Variants in OR13G1 observed in about 807,000 individuals in gnomAD.
OR13G1 encodes olfactory receptor 13G1.
For missense variants in OR13G1, 369 were observed against 385.7 expected (o/e 0.96, Z 0.36); for synonymous variants, 128 against 136.2 (o/e 0.94, Z 0.42).
At chr1:247,675,806 T>C (rs968738737) in intron 1 of OR13G1, among the ~76,000 whole-genome samples, 1 of 152,170 alleles carries the variant, frequency 6.6e-6, no homozygotes, top group Non-Finnish European at 1.5e-5. Flanking sequence ...TGCATGCTAC[T>C]GTAGGCTCCA....
intron 1 of OR13G1, among the ~76,000 whole-genome samples, chr1:247,679,036 A>C (rs201190842): frequency 2.2e-5 from 3 of 134,548 alleles, no homozygotes; most frequent in Non-Finnish European, 4.8e-5. Context: ...TTTTTTTTTT[A>C]AATTCAACTC....
chr1:247,674,001 T>C lies in OR13G1; in HGVS notation c.-238-722A>G, dbSNP rs79012594. On this transcript the variant is annotated intron_variant, in intron 1 of 1. Coordinates refer to ENST00000642119, the MANE Select transcript of OR13G1 (RefSeq NM_001005487.2). ...GAAAAATCTGTGTCCTATGTTATTT[T>C]CCCCCAAAACTTCCATAGCATTCTG... 6.8e-3 allele frequency among the ~76,000 whole-genome samples: 1,038 copies of C among 152,250 alleles called. 7 individuals carry two copies. The highest frequency in any genetic ancestry group is 0.024 in the African/African-American group (998 of 41,550).
chr1:247,672,738 T>A lies in OR13G1; in HGVS notation c.304A>T (p.Thr102Ser). The A allele has an allele frequency of 1.2e-6, 2 of 1,614,054 alleles. No homozygotes were observed. The highest frequency in any genetic ancestry group is 1.3e-5 in the African/African-American group (1 of 75,054). ...AGCMSQLFLF[T>S]WSLGAEMVLF... ...ACCATCTCAGCTCCCAGAGACCATG[T>A]GAACAAGAAGAGCTGGGACATGCAG... Residue 102 changes from threonine to serine, a missense_variant, in exon 2 of 2, where the codon ACA becomes TCA. By Grantham distance (58) the Thr-to-Ser change is moderately conservative (BLOSUM62 1). Transcript: ENST00000642119.
rs180921014 is a variant in OR13G1 at position 247,674,256 on chromosome 1, A to G, written c.-238-977T>C. Among the ~76,000 whole-genome samples, 26 of 152,316 alleles carry G rather than the reference A, an allele frequency of 1.7e-4. No homozygotes were observed. The East Asian group carries it at 3.7e-3, about 22-fold the overall frequency. ...ACACGAATTCATGGCTTTTGGAACT[A>G]TTATGATTAGATGAATCTAGTGAAA... is the stretch of plus-strand genomic sequence containing the variant. On this transcript the variant is annotated intron_variant, in intron 1 of 1. Coordinates refer to ENST00000642119, the MANE Select transcript of OR13G1 (RefSeq NM_001005487.2).
rs1475358669 is a variant in OR13G1 at position 247,672,486 on chromosome 1, A to C, written c.556T>G (p.Cys186Gly). Residue 186 changes from cysteine (C) to glycine (G), a missense_variant, in exon 2 of 2, where the codon TGT becomes GGT. Cys to Gly is a radical substitution (Grantham distance 159). Transcript: ENST00000642119. ...CEIPPLLALS[C>G]SPVRINEVMV... ...ACCTCATTGATTCTTACAGGGCTAC[A>C]GGACAAAGCCAGCAATGGGGGTATC... is the stretch of plus-strand genomic sequence containing the variant. 6.2e-7 allele frequency: 1 copy of C among 1,614,162 alleles called. No homozygotes were observed.
At position 247,671,836 on chromosome 1, in the gene OR13G1, G is replaced by A. The variant is rs1659209617; in HGVS notation, c.*282C>T. ...CATGCACATATAGGTAAATATTTGT[G>A]TATATGCATATATAAGTATTCGAAG... is the stretch of plus-strand genomic sequence containing the variant. On this transcript the variant is annotated 3_prime_UTR_variant, in exon 2 of 2. Transcript: ENST00000642119. The A allele has an allele frequency of 2.6e-6, 1 of 381,930 alleles. No homozygotes were observed. The highest frequency in any genetic ancestry group is 4.7e-6 in the Non-Finnish European group (1 of 213,166). 23.7% of individuals were successfully genotyped at this position (381,930 alleles called of 1,614,324 possible).
rs973130561 is a variant in OR13G1 at position 247,672,180 on chromosome 1, T to C, written c.862A>G (p.Ser288Gly). ...GCCTGCATCTCCCTATTCTGGAAGC[T>C]GTACACCATCGGGTTTAATGTGGGA... ...VTPTLNPMVY[S>G]FQNREMQAGI... Residue 288 changes from serine (S) to glycine (G), a missense_variant, in exon 2 of 2, where the codon AGC (serine) becomes GGC (glycine). By Grantham distance (56) the Ser-to-Gly change is moderately conservative. Coordinates refer to ENST00000642119, the MANE Select transcript of OR13G1 (RefSeq NM_001005487.2). 18 of 1,613,998 alleles carry C rather than the reference T, an allele frequency of 1.1e-5. No individual in the cohort carries two copies. The highest frequency in any genetic ancestry group is 1.5e-5 in the Non-Finnish European group (18 of 1,179,990).
chr1:247,672,930 C>A lies in OR13G1; in HGVS notation c.112G>T (p.Gly38Cys). Reference protein sequence around the residue: ...FLIVYLVAFLGNMLIIIAKIY... With the variant: ...FLIVYLVAFLCNMLIIIAKIY... ...TTGGCAATGATGATGAGCATGTTGC[C>A]GAGAAAAGCCACAAGATAGACAATG... Residue 38 changes from glycine (G) to cysteine (C), a missense_variant, in exon 2 of 2, where the codon GGC becomes TGC. Gly to Cys is a radical substitution (Grantham distance 159). Transcript: ENST00000642119. The A allele has an allele frequency of 6.2e-7, 1 of 1,613,846 alleles. No homozygotes were observed. The highest frequency in any genetic ancestry group is 8.5e-7 in the Non-Finnish European group (1 of 1,179,916).
intron 1 of OR13G1, among the ~76,000 whole-genome samples, chr1:247,675,805 CT>C (rs1659334634): frequency 6.6e-6 from 1 of 152,136 alleles, no homozygotes; most frequent in African/African-American, 2.4e-5. Context: ...TTGCATGCTA[CT>C]GTAGGCTCCA....
chr1:247,673,700 C>G (rs1220802590), intron 1 of OR13G1, among the ~76,000 whole-genome samples: 1 of 152,140 alleles, frequency 6.6e-6, no homozygotes, highest in African/African-American at 2.4e-5. Flanking sequence ...GTTTGAGAAG[C>G]ACATTGCCAA....
Position 247,673,129 on chromosome 1 carries a change from G to C in OR13G1, c.-88C>G, listed in dbSNP as rs138179131. The C allele has an allele frequency of 9.9e-7, 1 of 1,014,278 alleles. No homozygotes were observed. Among genetic ancestry groups the C allele is most frequent in the East Asian group, 2.4e-5 (1 of 41,584 alleles). 62.8% of individuals were successfully genotyped at this position (1,014,278 alleles called of 1,614,324 possible). A position where few individuals can be genotyped will look rare whatever the true frequency, so the allele number is the denominator to read the frequency against. ...CCTGTGTTGTTAGGAGATAACATGAGGAGTGTGTGTACTTAGGGACTTAAT... is the reference window on the plus strand; with the variant it reads ...CCTGTGTTGTTAGGAGATAACATGACGAGTGTGTGTACTTAGGGACTTAAT... On this transcript the variant is annotated 5_prime_UTR_variant, in exon 2 of 2. Coordinates refer to ENST00000642119, the MANE Select transcript of OR13G1 (RefSeq NM_001005487.2).
intron 1 of OR13G1, among the ~76,000 whole-genome samples, chr1:247,676,654 T>A (rs555871335): frequency 6.6e-6 from 1 of 152,290 alleles, no homozygotes; most frequent in South Asian, 2.1e-4. Context: ...TCATTGGAGT[T>A]ATAAAACAAT....
chr1:247,671,803 G>C lies in OR13G1; in HGVS notation c.*315C>G. 3.7e-6 allele frequency: 1 copy of C among 268,106 alleles called. No individual in the cohort carries two copies. The highest frequency in any genetic ancestry group is 4.8e-5 in the Admixed American group (1 of 20,974). 16.6% of individuals were successfully genotyped at this position (268,106 alleles called of 1,614,324 possible). A position where few individuals can be genotyped will look rare whatever the true frequency, so the allele number is the denominator to read the frequency against. ...AATGTTTTGTGATATTTGCATGTATGATGTGCACATGCACATATAGGTAAA... is the reference window on the plus strand; with the variant it reads ...AATGTTTTGTGATATTTGCATGTATCATGTGCACATGCACATATAGGTAAA... On this transcript the variant is annotated 3_prime_UTR_variant, in exon 2 of 2. Transcript: ENST00000642119.
In OR13G1 at chr1:247,671,853, T is replaced by C. The variant is rs1483897804; in HGVS notation, c.*265A>G. 4 of 439,250 alleles carry C rather than the reference T, an allele frequency of 9.1e-6. No individual in the cohort carries two copies. Among genetic ancestry groups the C allele is most frequent in the Non-Finnish European group, 1.6e-5 (4 of 247,822 alleles). 27.2% of individuals were successfully genotyped at this position (439,250 alleles called of 1,614,324 possible). A position where few individuals can be genotyped will look rare whatever the true frequency, so the allele number is the denominator to read the frequency against. On this transcript the variant is annotated 3_prime_UTR_variant, in exon 2 of 2. Transcript: ENST00000642119. The stretch of plus-strand genomic sequence containing the variant: ...ATATTTGTGTATATGCATATATAAG[T>C]ATTCGAAGTTATGTACATATTTTTG...
Position 247,672,116 on chromosome 1 carries a change from T to C in OR13G1, c.*2A>G, listed in dbSNP as rs1211279480. 6.2e-7 allele frequency: 1 copy of C among 1,607,256 alleles called. No homozygotes were observed. The highest frequency in any genetic ancestry group is 8.5e-7 in the Non-Finnish European group (1 of 1,175,258). ...CAGAAGTGATGTTGCATGTTGAAAC[T>C]ACTAGTGTTTCAGAAATGCAAACAC... On this transcript the variant is annotated 3_prime_UTR_variant, in exon 2 of 2. Transcript: ENST00000642119.
chr1:247,676,935 T>C (rs1659356718), intron 1 of OR13G1, among the ~76,000 whole-genome samples: 1 of 152,004 alleles, frequency 6.6e-6, no homozygotes, highest in South Asian at 2.1e-4. Flanking sequence ...GGAGTGCGAT[T>C]GGAAAGGGAA....
At chr1:247,677,853 C>T (rs1659380288) in intron 1 of OR13G1, among the ~76,000 whole-genome samples, 1 of 152,072 alleles carries the variant, frequency 6.6e-6, no homozygotes, top group African/African-American at 2.4e-5. Flanking sequence ...GCCTGTAATC[C>T]CAGCACTTTG....
In OR13G1 at chr1:247,672,571, T is replaced by G. The variant is rs750768683; in HGVS notation, c.471A>C (p.Thr157=). The G allele has an allele frequency of 6.2e-7, 1 of 1,614,096 alleles. No homozygotes were observed. Among genetic ancestry groups the G allele is most frequent in the Admixed American group, 1.7e-5 (1 of 59,978 alleles). ...AGAAAGTCAACCTCATGATAAGAGC[T>G]GTGTGCACCCAGGAATTGGTGACTG... ...AIAVTNSWVH[T]ALIMRLTFCG... The change falls in exon 2 of 2, where the codon ACA becomes ACC. Residue 157 remains threonine, a synonymous_variant. Coordinates refer to ENST00000642119, the MANE Select transcript of OR13G1 (RefSeq NM_001005487.2).
At position 247,672,306 on chromosome 1, in the gene OR13G1, T is replaced by A. The variant is rs1459849641; in HGVS notation, c.736A>T (p.Thr246Ser). ...TAGATTACAGGAGAATAGTAAAGGGTCACCACTGTGAGATGAGATGAGCAT... is the reference window on the plus strand; with the variant it reads ...TAGATTACAGGAGAATAGTAAAGGGACACCACTGTGAGATGAGATGAGCAT... ...STCSSHLTVVTLYYSPVIYTY... is the reference protein window; with the variant it reads ...STCSSHLTVVSLYYSPVIYTY... The change falls in exon 2 of 2, where the codon ACC becomes TCC. Residue 246 changes from threonine to serine, a missense_variant. Transcript: ENST00000642119. 1 of 1,613,942 alleles carries A rather than the reference T, an allele frequency of 6.2e-7. No individual in the cohort carries two copies.
Sources: allele counts gnomAD v4.1 joint callset (sites outside exome capture counted in the v4.1 genomes callset), GRCh38; gene constraint gnomAD v4.1.1; transcripts MANE v1.5; gene names NCBI Gene and HGNC (gene_info 2026-07-23, HGNC 2026-07-21).